SVOPL: variants seen among roughly 807,000 people sequenced by gnomAD.
The protein encoded by SVOPL is SVOP like, also known as putative transporter SVOPL.
Under a neutral mutation model 61.0 loss-of-function variants are expected in SVOPL, and 60 were observed. The observed-to-expected ratio is 0.98, with a 90% CI of 0.80 to 1.22. The LOEUF is 1.22. Among genes scored for constraint, SVOPL ranks in the 50% most tolerant of loss-of-function variants. The pLI is 0.00. For synonymous variants in SVOPL, 279 were observed against 250.0 expected, an observed-to-expected ratio of 1.12 and a Z score of -1.09; for missense variants, 662 against 643.9, an observed-to-expected ratio of 1.03 and a Z score of -0.30.
At chr7:138,697,961 A>T (rs1195340912) in intron 1 of SVOPL, among the ~76,000 whole-genome samples, 2 of 152,084 alleles carry the variant, frequency 1.3e-5, no homozygotes, top group East Asian at 3.9e-4. Flanking sequence ...AAATTAACAA[A>T]CATGGAAAAG....
At chr7:138,614,451 A>G (rs978756631) in intron 14 of SVOPL, among the ~76,000 whole-genome samples, 5 of 148,394 alleles carry the variant, frequency 3.4e-5, no homozygotes, top group Non-Finnish European at 4.4e-5. Context: ...GCTGGAGTGC[A>G]ATGGCGCGAT....
chr7:138,672,239 T>A, intron 3 of SVOPL, 122 bp from the exon 4 acceptor site: 3 of 830,374 alleles, frequency 3.6e-6, no homozygotes, highest in Non-Finnish European at 5.8e-6. Context: ...TCAGGGAGGA[T>A]CTATTGTATA....
intron 8 of SVOPL, among the ~76,000 whole-genome samples, chr7:138,645,086 C>T (rs557881682): frequency 4.1e-4 from 62 of 152,232 alleles, no homozygotes; most frequent in Non-Finnish European, 7.2e-4. Context: ...CTCAGTTTTG[C>T]ACCAATAGGG....
chr7:138,700,792 A>T (rs551907802), intron 1 of SVOPL, among the ~76,000 whole-genome samples: 2 of 152,072 alleles, frequency 1.3e-5, no homozygotes, highest in South Asian at 2.1e-4. Context: ...GTCCCTCACT[A>T]TAAGTTCCTA....
chr7:138,642,779 G>A (rs890465631), intron 9 of SVOPL, among the ~76,000 whole-genome samples: 4 of 146,526 alleles, frequency 2.7e-5, no homozygotes, highest in Admixed American at 6.8e-5. Flanking sequence ...GCAGTAAGCC[G>A]AGATCACGCT....
intron 13 of SVOPL, among the ~76,000 whole-genome samples, chr7:138,623,909 C>T (rs1659814): frequency 0.68 from 103,102 of 151,852 alleles, 35,698 homozygotes; most frequent in African/African-American, 0.81. Context: ...AACCTTTGCC[C>T]CCCAGGTTCA....
chr7:138,645,950 G>A (rs1801084009), intron 8 of SVOPL, among the ~76,000 whole-genome samples: 1 of 151,932 alleles, frequency 6.6e-6, no homozygotes, highest in Non-Finnish European at 1.5e-5. Context: ...TGAGTAGTTG[G>A]GATTACAGGC....
intron 1 of SVOPL, among the ~76,000 whole-genome samples, chr7:138,689,678 G>A (rs955377744): frequency 2.6e-5 from 4 of 151,838 alleles, no homozygotes; most frequent in African/African-American, 9.7e-5. Context: ...CCAACATGGT[G>A]AAACCCCGTC....
chr7:138,629,153 G>GTGTGTGTGTGTGTATA (rs10624737), intron 10 of SVOPL, among the ~76,000 whole-genome samples: 25 of 147,372 alleles, frequency 1.7e-4, no homozygotes, highest in African/African-American at 2.3e-4. Context: ...GTGTGTGTGT[G>GTGTGTGTGTGTGTATA]TATATATGTA....
chr7:138,626,171 G>A, intron 12 of SVOPL, 121 bp from the exon 13 acceptor site: 1 of 942,718 alleles, frequency 1.1e-6, no homozygotes. Context: ...GAACCCGAGG[G>A]AGGTGCTGCT....
chr7:138,613,470 A>AC (rs960863568), intron 14 of SVOPL, among the ~76,000 whole-genome samples: 3 of 152,132 alleles, frequency 2.0e-5, no homozygotes, highest in African/African-American at 7.2e-5. Context: ...CATTTGGCTC[A>AC]CCATGGCTAT....
intron 14 of SVOPL, among the ~76,000 whole-genome samples, chr7:138,599,674 G>A (rs991298532): frequency 6.6e-6 from 1 of 152,104 alleles, no homozygotes; most frequent in Non-Finnish European, 1.5e-5. Flanking sequence ...GATCACCTGA[G>A]GTCAGGAGTT....
intron 14 of SVOPL, among the ~76,000 whole-genome samples, chr7:138,597,662 G>GTT (rs1798336651): frequency 6.6e-6 from 1 of 151,884 alleles, no homozygotes; most frequent in African/African-American, 2.4e-5. Flanking sequence ...GTGTGTGTGT[G>GTT]TGTGTGTTTT....
At chr7:138,663,376 G>C in intron 4 of SVOPL, 1 of 1,393,222 alleles carries the variant, frequency 7.2e-7, no homozygotes, top group Non-Finnish European at 9.3e-7. Context: ...GTGGAAACGG[G>C]GTCCTCTGCC....
rs1468398454 is a variant in SVOPL at position 138,660,063 on chromosome 7, G to A, written c.346-75C>T. 30 of 1,526,986 alleles carry A rather than the reference G, an allele frequency of 2.0e-5. No homozygotes were observed. The East Asian group carries it at 4.0e-4, about 20-fold the overall frequency. 94.6% of individuals were successfully genotyped at this position (1,526,986 alleles called of 1,614,324 possible). ...GGAAGAAGCCCTAACTTCTGAAGGC[G>A]ATTTTCGGTTTCCATCCTGATAGTT... On this transcript the variant is annotated intron_variant, in intron 5 of 15. Transcript: ENST00000674285.
intron 14 of SVOPL, among the ~76,000 whole-genome samples, chr7:138,611,159 C>G (rs61077765): frequency 0.025 from 3,741 of 152,312 alleles, 160 homozygotes; most frequent in African/African-American, 0.085. Context: ...GGACAGATCA[C>G]TTGAGGTTAG....
intron 4 of SVOPL, among the ~76,000 whole-genome samples, chr7:138,670,901 T>C (rs1802398074): frequency 6.6e-6 from 1 of 152,166 alleles, no homozygotes; most frequent in Non-Finnish European, 1.5e-5. Flanking sequence ...AGCATTCTAA[T>C]ATATCAGGAG....
Position 138,678,946 on chromosome 7 carries a change from C to G in SVOPL, c.82+18G>C. 1 of 1,550,134 alleles carries G rather than the reference C, an allele frequency of 6.5e-7. No individual in the cohort carries two copies. The highest frequency in any genetic ancestry group is 2.4e-5 in the East Asian group (1 of 40,894). Reference sequence around the variant, plus strand: ...TCTAAGCAGCAGGTTGAGCTGGAGACTTCTATGATAATCTCACCTTTAACC... The same window carrying G: ...TCTAAGCAGCAGGTTGAGCTGGAGAGTTCTATGATAATCTCACCTTTAACC... On this transcript the variant is annotated intron_variant, in intron 2 of 15. Transcript: ENST00000674285.
chr7:138,650,609 A>C (rs1243500652), intron 7 of SVOPL, among the ~76,000 whole-genome samples: 1 of 147,684 alleles, frequency 6.8e-6, no homozygotes, highest in Non-Finnish European at 1.5e-5. Flanking sequence ...CAGGAGTTTG[A>C]GACTAGCCTG....
Sources: gnomAD v4.1 joint callset for allele counts (sites outside exome capture counted in the v4.1 genomes callset) on GRCh38, gnomAD v4.1.1 for gene constraint, MANE v1.5 for transcripts, NCBI Gene and HGNC (gene_info 2026-07-23, HGNC 2026-07-21) for gene names.